FZR1: variants seen among roughly 807,000 people sequenced by gnomAD.
FZR1 encodes the protein fizzy and cell division cycle 20 related 1.
A neutral mutation model predicts 63.6 loss-of-function variants in FZR1; 11 were observed. The ratio of observed to expected loss-of-function variants is 0.17; its 90% confidence interval spans 0.11 to 0.29. FZR1 has a LOEUF of 0.29. FZR1 is among the 10% of genes least tolerant of loss of function. The pLI is 1.00. For synonymous variants in FZR1, 328 were observed against 297.9 expected, an observed-to-expected ratio of 1.10 and a Z score of -1.04; for missense variants, 440 against 687.5, an observed-to-expected ratio of 0.64 and a Z score of 4.03.
At chr19:3,509,107 C>T (rs909960169) in intron 1 of FZR1, among the ~76,000 whole-genome samples, 4 of 152,262 alleles carry the variant, frequency 2.6e-5, no homozygotes, top group African/African-American at 9.6e-5. Flanking sequence ...TTGTCACTGC[C>T]TTGCCCACAT....
At chr19:3,508,618 G>A (rs2083002927) in intron 1 of FZR1, among the ~76,000 whole-genome samples, 1 of 152,214 alleles carries the variant, frequency 6.6e-6, no homozygotes, top group Admixed American at 6.5e-5. Flanking sequence ...CTTTTGCTTG[G>A]TGTCATTTAG....
At position 3,537,993 on chromosome 19, in the gene FZR1, G is replaced by C. The variant is rs541418977; in HGVS notation, c.*3157G>C. ...AAGGGCACAGCCATGCAAAGGCCCT[G>C]GGGCAGGACGGCACCTGGTATGCGG... is the stretch of plus-strand genomic sequence containing the variant. On this transcript the variant is annotated 3_prime_UTR_variant, in exon 14 of 14. Coordinates refer to ENST00000441788, the MANE Select transcript of FZR1 (RefSeq NM_016263.4). 6.5e-6 allele frequency: 1 copy of C among 153,412 alleles called. No individual in the cohort carries two copies. Among genetic ancestry groups the C allele is most frequent in the African/African-American group, 2.4e-5 (1 of 41,588 alleles). The allele number at this position is 153,412 out of a possible 1,614,324, so 9.5% of individuals were successfully genotyped here.
chr19:3,507,233 G>A (rs1027894571), intron 1 of FZR1, among the ~76,000 whole-genome samples: 4 of 135,396 alleles, frequency 3.0e-5, no homozygotes, highest in Non-Finnish European at 6.1e-5. Flanking sequence ...CCGTGCACAA[G>A]CCCCTCCCTC....
intron 2 of FZR1, among the ~76,000 whole-genome samples, chr19:3,524,022 A>T (rs2083128604): frequency 6.6e-6 from 1 of 152,220 alleles, no homozygotes; most frequent in Admixed American, 6.5e-5. Flanking sequence ...CCCATTGGTA[A>T]AGGGACAGGG....
intron 1 of FZR1, among the ~76,000 whole-genome samples, chr19:3,512,127 G>C (rs2122111786): frequency 6.6e-6 from 1 of 152,366 alleles, no homozygotes; most frequent in Admixed American, 6.5e-5. Context: ...TCTGTGGACA[G>C]GAGGTCACTG....
chr19:3,513,616 G>A (rs990934132), intron 1 of FZR1, among the ~76,000 whole-genome samples: 2 of 152,180 alleles, frequency 1.3e-5, no homozygotes, highest in East Asian at 1.9e-4. Flanking sequence ...TGGTAGGCAC[G>A]GGCAAGGTTT....
chr19:3,510,952 G>C (rs982498393), intron 1 of FZR1, among the ~76,000 whole-genome samples: 4 of 152,254 alleles, frequency 2.6e-5, no homozygotes, highest in African/African-American at 9.6e-5. Flanking sequence ...CCCTCGCCAT[G>C]AACTCCCCGG....
In FZR1 at chr19:3,536,674, G is replaced by C. The variant is rs1029446751; in HGVS notation, c.*1838G>C. ...GGGGCTGGTTCTGCCCATGCTAGGG[G>C]GTGGGGGAGCTCCCAGGACAGACCA... is the stretch of plus-strand genomic sequence containing the variant. On this transcript the variant is annotated 3_prime_UTR_variant, in exon 14 of 14. Coordinates refer to ENST00000441788, the MANE Select transcript of FZR1 (RefSeq NM_016263.4). 1.3e-5 allele frequency: 2 copies of C among 152,334 alleles called. No individual in the cohort carries two copies. Among genetic ancestry groups the C allele is most frequent in the African/African-American group, 4.8e-5 (2 of 41,458 alleles). The allele number at this position is 152,334 out of a possible 1,614,324, so 9.4% of individuals were successfully genotyped here. A position where few individuals can be genotyped will look rare whatever the true frequency, so the allele number is the denominator to read the frequency against.
Position 3,533,630 on chromosome 19 carries a change from G to A in FZR1, c.1347+232G>A, listed in dbSNP as rs949831350. 2.8e-5 allele frequency: 15 copies of A among 527,140 alleles called. No homozygotes were observed. The highest frequency in any genetic ancestry group is 5.0e-5 in the South Asian group (2 of 40,372). 32.7% of individuals were successfully genotyped at this position (527,140 alleles called of 1,614,324 possible). ...AGGTGCAGGCCCTGTCCTCCTGGAG[G>A]ACCTTAGCTTCTTCATTTGTTTATT... On this transcript the variant is annotated intron_variant, in intron 12 of 13. Coordinates refer to ENST00000441788, the MANE Select transcript of FZR1 (RefSeq NM_016263.4). The surrounding 1 kb of genome is among the most constrained non-coding windows in gnomAD (Gnocchi z 4.9).
At chr19:3,527,500 A>G (rs971265419) in intron 6 of FZR1, 131 bp from the exon 7 acceptor site, 1 of 688,790 alleles carries the variant, frequency 1.5e-6, no homozygotes, top group African/African-American at 1.8e-5. Flanking sequence ...TTAGGATCAC[A>G]TGGTGGCGGT....
chr19:3,531,700 G>A lies in FZR1; in HGVS notation c.721-14G>A, dbSNP rs867272560. 2.0e-6 allele frequency: 3 copies of A among 1,535,294 alleles called. No homozygotes were observed. Among genetic ancestry groups the A allele is most frequent in the Admixed American group, 2.0e-5 (1 of 50,564 alleles). On this transcript the variant is annotated splice_polypyrimidine_tract_variant and intron_variant, in intron 8 of 13. Coordinates refer to ENST00000441788, the MANE Select transcript of FZR1 (RefSeq NM_016263.4). Reference sequence around the variant, plus strand: ...GACCTGACACCGGTGCTCTGCCCATGCCTTCCATCCTAGGGGAACCTGGTG... The same window carrying A: ...GACCTGACACCGGTGCTCTGCCCATACCTTCCATCCTAGGGGAACCTGGTG...
chr19:3,529,434 T>G (rs1398122913), intron 7 of FZR1, among the ~76,000 whole-genome samples: 1 of 87,690 alleles, frequency 1.1e-5, no homozygotes, highest in African/African-American at 4.6e-5. Flanking sequence ...ATGAGAGTGG[T>G]TGAGGGAGTG....
chr19:3,513,084 G>A (rs1212806766), intron 1 of FZR1, among the ~76,000 whole-genome samples: 1 of 152,142 alleles, frequency 6.6e-6, no homozygotes, highest in African/African-American at 2.4e-5. Flanking sequence ...GGGCACCTGG[G>A]CCAGGGCCTC....
At position 3,533,694 on chromosome 19, in the gene FZR1, A is replaced by G. The variant is rs2083269761; in HGVS notation, c.1347+296A>G. 2.7e-6 allele frequency: 1 copy of G among 371,766 alleles called. No individual in the cohort carries two copies. Among genetic ancestry groups the G allele is most frequent in the Non-Finnish European group, 5.0e-6 (1 of 201,152 alleles). The allele number at this position is 371,766 out of a possible 1,614,324, so 23.0% of individuals were successfully genotyped here. Reference sequence around the variant, plus strand: ...GGGGTGAAGAGGAAAGCCAAAACCAACTCACAGCTGACCACTCAGATGACC... The same window carrying G: ...GGGGTGAAGAGGAAAGCCAAAACCAGCTCACAGCTGACCACTCAGATGACC... On this transcript the variant is annotated intron_variant, in intron 12 of 13. Coordinates refer to ENST00000441788, the MANE Select transcript of FZR1 (RefSeq NM_016263.4). The surrounding 1 kb of genome is among the most constrained non-coding windows in gnomAD (Gnocchi z 4.9).
chr19:3,514,144 C>T lies in FZR1; in HGVS notation c.-35+7670C>T, dbSNP rs1368661183. Among the ~76,000 whole-genome samples, 1 of 152,154 alleles carries T rather than the reference C, an allele frequency of 6.6e-6. No homozygotes were observed. Among genetic ancestry groups the T allele is most frequent in the Admixed American group, 6.5e-5 (1 of 15,280 alleles). On this transcript the variant is annotated intron_variant, in intron 1 of 13. Transcript: ENST00000441788. The surrounding 1 kb of genome is among the most constrained non-coding windows in gnomAD (Gnocchi z 4.2). ...CCTGTCTACACGGCAGACAGCCCCT[C>T]ACGCTTTGCGTCCCCACTCAGGGAC...
At chr19:3,512,329 T>C in intron 1 of FZR1, among the ~76,000 whole-genome samples, 1 of 152,186 alleles carries the variant, frequency 6.6e-6, no homozygotes, top group East Asian at 1.9e-4. Context: ...CTCTGGGTCA[T>C]GCCGGGTGCC....
intron 6 of FZR1, 24 bp downstream of exon 6, chr19:3,527,086 C>A (rs1162081254): frequency 1.3e-6 from 2 of 1,503,518 alleles, no homozygotes; most frequent in Non-Finnish European, 1.9e-6. Flanking sequence ...TCCTCCGCAG[C>A]CCTCCCTACT....
rs1030597168 is a variant in FZR1, at chr19:3,533,603, G to A, written c.1347+205G>A. On this transcript the variant is annotated intron_variant, in intron 12 of 13. Coordinates refer to ENST00000441788, the MANE Select transcript of FZR1 (RefSeq NM_016263.4). The surrounding 1 kb of genome is among the most constrained non-coding windows in gnomAD (Gnocchi z 4.9). ...GGGCTCTACCGAACTCCCCAGCCCTGCAGGTGCAGGCCCTGTCCTCCTGGA... is the reference window on the plus strand; with the variant it reads ...GGGCTCTACCGAACTCCCCAGCCCTACAGGTGCAGGCCCTGTCCTCCTGGA... 4 of 567,160 alleles carry A rather than the reference G, an allele frequency of 7.1e-6. No homozygotes were observed. Among genetic ancestry groups the A allele is most frequent in the Non-Finnish European group, 1.3e-5 (4 of 317,174 alleles). The allele number at this position is 567,160 out of a possible 1,614,324, so 35.1% of individuals were successfully genotyped here.
chr19:3,522,897 C>T (rs975670367), intron 1 of FZR1, 59 bp from the exon 2 acceptor site: 15 of 874,464 alleles, frequency 1.7e-5, no homozygotes, highest in Non-Finnish European at 3.0e-5. Flanking sequence ...CAGGCGAGCC[C>T]CGTGGTCTCC....
Sources: gnomAD v4.1 joint callset for allele counts (sites outside exome capture counted in the v4.1 genomes callset) on GRCh38, gnomAD v4.1.1 for gene constraint, Gnocchi (gnomAD v3.1) non-coding constraint, MANE v1.5 for transcripts, NCBI Gene and HGNC (gene_info 2026-07-23, HGNC 2026-07-21) for gene names.